Variants in UGT1A3 observed in about 807,000 individuals in gnomAD.
The protein encoded by UGT1A3 is UDP glucuronosyltransferase family 1 member A3.
UGT1A3 carries 31 observed loss-of-function variants against 41.0 expected under a neutral mutation model. The observed-to-expected ratio is 0.76, with a 90% confidence interval of 0.57 to 1.02. UGT1A3 has a LOEUF of 1.02. Ranked by LOEUF, UGT1A3 falls within the 50% of genes least tolerant of loss-of-function variation. The pLI, the probability that UGT1A3 is intolerant of heterozygous loss-of-function variation, is 0.00. For missense variants in UGT1A3, 737 were observed against 671.0 expected (o/e 1.10, Z -1.09); for synonymous variants, 262 against 257.6 (o/e 1.02, Z -0.17).
At chr2:233,766,327 G>T (rs373926451) in intron 1 of UGT1A3, among the ~76,000 whole-genome samples, 1 of 152,130 alleles carries the variant, frequency 6.6e-6, no homozygotes, top group Admixed American at 6.5e-5. Flanking sequence ...CAAACTCCGC[G>T]TTGTTCTGCT....
rs771993243 is a variant in UGT1A3, at chr2:233,755,018, C to T, written c.868-12016C>T. On this transcript the variant is annotated intron_variant, in intron 1 of 4. Transcript: ENST00000482026. ...AGCTGAAGACCTACTCGAAGGGGTC[C>T]TTGAAGGGCCTGCCGCCTGCGCAGC... 3.8e-6 allele frequency: 5 copies of T among 1,302,150 alleles called. No homozygotes were observed. The South Asian group carries it at 4.6e-5, about 12-fold the overall frequency. The allele number at this position is 1,302,150 out of a possible 1,614,324, so 80.7% of individuals were successfully genotyped here.
intron 1 of UGT1A3, among the ~76,000 whole-genome samples, chr2:233,758,854 C>A (rs1032361524): frequency 6.6e-6 from 1 of 152,158 alleles, no homozygotes; most frequent in Admixed American, 6.5e-5. Context: ...CCAATTCTGG[C>A]TGCACAATAC....
chr2:233,754,735 A>C, intron 1 of UGT1A3: 1 of 652,450 alleles, frequency 1.5e-6, no homozygotes, highest in South Asian at 1.5e-5. Flanking sequence ...TCACTACCGT[A>C]GGACATGCAG....
chr2:233,729,177 G>C lies in UGT1A3; in HGVS notation c.51G>C (p.Leu17=). ...TGCCGTGGCTGGCCACAGGACTGCT[G>C]CTTCTCCTCAGTGTCCAGCCCTGGG... ...VPLPWLATGL[L]LLLSVQPWAE... is the part of the protein sequence containing the mutation. Residue 17 remains leucine (L), a synonymous_variant, in exon 1 of 5, where the codon CTG becomes CTC. Transcript: ENST00000482026. The C allele has an allele frequency of 6.2e-7, 1 of 1,613,894 alleles. No homozygotes were observed. Among genetic ancestry groups the C allele is most frequent in the Non-Finnish European group, 8.5e-7 (1 of 1,179,900 alleles).
In UGT1A3 at chr2:233,729,894, G is replaced by A. The variant is rs2077943725; in HGVS notation, c.768G>A (p.Leu256=). The change falls in exon 1 of 5, where the codon CTG becomes CTA. Residue 256 remains leucine, a synonymous_variant. Transcript: ENST00000482026. ...VDILSHASVW[L]FRGDFVMDYP... The stretch of plus-strand genomic sequence containing the variant: ...TTCTCAGTCATGCATCTGTGTGGCT[G>A]TTCCGAGGGGACTTTGTGATGGACT... 3 of 1,613,848 alleles carry A rather than the reference G, an allele frequency of 1.9e-6. No individual in the cohort carries two copies. The highest frequency in any genetic ancestry group is 4.5e-5 in the East Asian group (2 of 44,888).
At chr2:233,758,087 A>T (rs1470307117) in intron 1 of UGT1A3, among the ~76,000 whole-genome samples, 1 of 152,172 alleles carries the variant, frequency 6.6e-6, no homozygotes, top group Non-Finnish European at 1.5e-5. Context: ...TTCCTAGCAT[A>T]GTGACTGCCA....
intron 4 of UGT1A3, 146 bp from the exon 5 acceptor site, chr2:233,772,116 A>AAAC (rs1252124628): frequency 7.8e-6 from 12 of 1,531,304 alleles, no homozygotes; most frequent in South Asian, 4.9e-5. Context: ...CTGTATCTAA[A>AAAC]AACAACAACA....
In UGT1A3 at chr2:233,772,680, C is replaced by T; in HGVS notation, c.*121C>T. 2 of 1,530,096 alleles carry T rather than the reference C, an allele frequency of 1.3e-6. No homozygotes were observed. The highest frequency in any genetic ancestry group is 2.5e-5 in the South Asian group (2 of 81,594). 94.8% of individuals were successfully genotyped at this position (1,530,096 alleles called of 1,614,324 possible). A position where few individuals can be genotyped will look rare whatever the true frequency, so the allele number is the denominator to read the frequency against. On this transcript the variant is annotated 3_prime_UTR_variant, in exon 5 of 5. Transcript: ENST00000482026. ...AAGGAAATACTTTGCATAAATTAAT[C>T]AGCCCCAGAGTGCTTTAAAAAATTC...
chr2:233,769,820 A>C lies in UGT1A3; in HGVS notation c.1307+1381A>C, dbSNP rs1699945956. 1.3e-5 allele frequency: 11 copies of C among 843,066 alleles called. No individual in the cohort carries two copies. The highest frequency in any genetic ancestry group is 1.5e-5 in the Non-Finnish European group (9 of 599,386). The allele number at this position is 843,066 out of a possible 1,614,324, so 52.2% of individuals were successfully genotyped here. On this transcript the variant is annotated intron_variant, in intron 4 of 4. Transcript: ENST00000482026. The surrounding 1 kb of genome is among the most constrained non-coding windows in gnomAD (Gnocchi z 4.4). ...CTATGAGCCGTGATCATGCCACTGCACTCCAGCAACCTGGGCAACAGAGTG... is the reference window on the plus strand; with the variant it reads ...CTATGAGCCGTGATCATGCCACTGCCCTCCAGCAACCTGGGCAACAGAGTG...
At chr2:233,764,091 A>T (rs1189642052) in intron 1 of UGT1A3, among the ~76,000 whole-genome samples, 1 of 152,202 alleles carries the variant, frequency 6.6e-6, no homozygotes, top group East Asian at 1.9e-4. Flanking sequence ...AAAAGCCTAA[A>T]CTAAAAATAC....
chr2:233,739,222 A>G (rs1312187699), intron 1 of UGT1A3, among the ~76,000 whole-genome samples: 1 of 152,214 alleles, frequency 6.6e-6, no homozygotes, highest in Non-Finnish European at 1.5e-5. Flanking sequence ...TAGAGTCCTT[A>G]TAGAGAACCT....
intron 1 of UGT1A3, among the ~76,000 whole-genome samples, chr2:233,745,628 G>GA (rs922569313): frequency 1.5e-4 from 22 of 151,674 alleles, no homozygotes; most frequent in Non-Finnish European, 1.8e-4. Context: ...AACAGTCATA[G>GA]AAAGCTGGCC....
intron 1 of UGT1A3, chr2:233,747,967 C>T: frequency 6.2e-7 from 1 of 1,613,484 alleles, no homozygotes; most frequent in Non-Finnish European, 8.5e-7. Flanking sequence ...CTCAGCCATG[C>T]ATCTGTGTGG....
intron 1 of UGT1A3, among the ~76,000 whole-genome samples, chr2:233,736,870 C>T (rs1044494188): frequency 6.6e-6 from 1 of 152,190 alleles, no homozygotes; most frequent in African/African-American, 2.4e-5. Context: ...GCAAATATTG[C>T]AGAACAGCAA....
chr2:233,756,931 T>G (rs1696359277), intron 1 of UGT1A3, among the ~76,000 whole-genome samples: 1 of 152,070 alleles, frequency 6.6e-6, no homozygotes, highest in Non-Finnish European at 1.5e-5. Context: ...AACCTCTAGT[T>G]ACATAACCTG....
In UGT1A3 at chr2:233,766,922, G is replaced by A. The variant is rs955173337; in HGVS notation, c.868-112G>A. The A allele has an allele frequency of 8.3e-6, 13 of 1,559,654 alleles. No individual in the cohort carries two copies. The Middle Eastern group carries it at 1.0e-3, about 123-fold the overall frequency. On this transcript the variant is annotated intron_variant, in intron 1 of 4. Transcript: ENST00000482026. ...TAATTTTTTACTCTATCTCAAACAC[G>A]CATGCCTTTAATCATAGTCTTAAGA...
At chr2:233,735,248 G>T (rs1391437917) in intron 1 of UGT1A3, among the ~76,000 whole-genome samples, 3 of 152,102 alleles carry the variant, frequency 2.0e-5, no homozygotes, top group African/African-American at 7.2e-5. Flanking sequence ...TTGTTGAATT[G>T]CTCCCTTTAC....
At chr2:233,768,171 T>C (rs761240010) in intron 3 of UGT1A3, 49 bp from the exon 4 acceptor site, 11 of 1,613,794 alleles carry the variant, frequency 6.8e-6, no homozygotes, top group South Asian at 1.1e-5. Flanking sequence ...TGTCCAGCTG[T>C]GAAACTCAGA....
intron 1 of UGT1A3, chr2:233,760,398 C>T (rs1018382617): frequency 6.2e-7 from 1 of 1,614,186 alleles, no homozygotes; most frequent in Non-Finnish European, 8.5e-7. Flanking sequence ...CAGTGGATGG[C>T]AGCCACTGGC....
Sources: allele counts gnomAD v4.1 joint callset (sites outside exome capture counted in the v4.1 genomes callset), GRCh38; gene constraint gnomAD v4.1.1; non-coding constraint Gnocchi (gnomAD v3.1); transcripts MANE v1.5; gene names NCBI Gene and HGNC (gene_info 2026-07-23, HGNC 2026-07-21).